Variants in TMEM165 observed in about 807,000 individuals in gnomAD.
The protein encoded by TMEM165 is transmembrane protein 165.
TMEM165 carries 19 observed loss-of-function variants against 30.0 expected under a neutral mutation model. That is an observed-to-expected ratio of 0.63 (90% CI 0.44 to 0.93). TMEM165 has a LOEUF of 0.93. TMEM165 is among the 40% of genes least tolerant of loss of function. The pLI, the probability that TMEM165 is intolerant of heterozygous loss-of-function variation, is 0.00. For synonymous variants in TMEM165, 168 were observed against 162.9 expected (o/e 1.03, Z -0.24); for missense variants, 340 against 417.0 (o/e 0.82, Z 1.61).
Position 55,411,713 on chromosome 4 carries a change from GTTA to G in TMEM165, c.313_315del (p.Ile105del), listed in dbSNP as rs767607159. 2 of 1,614,104 alleles carry G rather than the reference GTTA, an allele frequency of 1.2e-6. No homozygotes were observed. Among genetic ancestry groups the G allele is most frequent in the Non-Finnish European group, 1.7e-6 (2 of 1,180,024 alleles). On this transcript the variant is annotated inframe_deletion, in exon 2 of 6. Coordinates refer to ENST00000381334, the MANE Select transcript of TMEM165 (RefSeq NM_018475.5). ...CCATGCATTTGTCGCTGCCATATCA[GTTA>G]TTATTGTATCTGAATTGGGTGATAA...
At chr4:55,430,849 G>C (rs897800416), downstream of TMEM165, 37 of 152,320 alleles carry the variant, frequency 2.4e-4, no homozygotes, top group African/African-American at 7.0e-4. Flanking sequence ...CAATAGGCAA[G>C]ATAGGTTTAC....
chr4:55,453,385 G>A (rs773788681), exon 4 of TMEM165: 215 of 492,158 alleles, frequency 4.4e-4, no homozygotes, highest in Middle Eastern at 5.3e-4. Context: ...TAAAGGAAGT[G>A]TATGCTTATC....
At chr4:55,403,149 G>T in intron 1 of TMEM165, 1 of 847,676 alleles carries the variant, frequency 1.2e-6, no homozygotes. Context: ...CAAATTGTAA[G>T]CATTTTCTTC....
At chr4:55,433,214 T>C (rs1722638113) in intron 3 of TMEM165, 1 of 152,640 alleles carries the variant, frequency 6.6e-6, no homozygotes, top group Non-Finnish European at 1.5e-5. Context: ...TACATACATA[T>C]TCTGACAACT....
At chr4:55,412,982 TA>T (rs1281859069) in intron 2 of TMEM165, among the ~76,000 whole-genome samples, 16 of 151,854 alleles carry the variant, frequency 1.1e-4, no homozygotes, top group African/African-American at 3.9e-4. Context: ...TTTATTTATT[TA>T]TTTATTTTTT....
At chr4:55,444,177 A>C (rs1008370456) in intron 3 of TMEM165, among the ~76,000 whole-genome samples, 1 of 152,176 alleles carries the variant, frequency 6.6e-6, no homozygotes, top group Admixed American at 6.5e-5. Context: ...ATAACATCAC[A>C]CAGAAGTAGT....
At chr4:55,443,851 G>T (rs2109693639) in intron 3 of TMEM165, 3 of 1,613,532 alleles carry the variant, frequency 1.9e-6, no homozygotes, top group Non-Finnish European at 1.7e-6. Flanking sequence ...GAAGAAAGTT[G>T]AACGGAACCA....
chr4:55,399,864 G>A (rs888677524), intron 1 of TMEM165, among the ~76,000 whole-genome samples: 3 of 151,750 alleles, frequency 2.0e-5, no homozygotes, highest in Non-Finnish European at 4.4e-5. Flanking sequence ...AAAACTAGGG[G>A]TATGGAGGGA....
intron 1 of TMEM165, among the ~76,000 whole-genome samples, chr4:55,402,403 GTA>G (rs869107499): frequency 0.013 from 624 of 48,020 alleles, 12 homozygotes; most frequent in African/African-American, 0.041. Flanking sequence ...GTGTGTGTGT[GTA>G]TATATATATA....
intron 2 of TMEM165, chr4:55,415,496 G>A (rs1170725350): frequency 6.6e-6 from 1 of 152,138 alleles, no homozygotes; most frequent in Non-Finnish European, 1.5e-5. Context: ...TTTTAGGGGA[G>A]AATGGTATTA....
chr4:55,446,188 G>A (rs1246593232), intron 3 of TMEM165, among the ~76,000 whole-genome samples: 3 of 148,838 alleles, frequency 2.0e-5, no homozygotes, highest in African/African-American at 5.0e-5. Context: ...CAACCACCCA[G>A]GCTCAAGCAA....
At chr4:55,439,468 A>AAT (rs1047887067) in intron 3 of TMEM165, among the ~76,000 whole-genome samples, 4 of 152,298 alleles carry the variant, frequency 2.6e-5, no homozygotes, top group African/African-American at 9.6e-5. Context: ...TTCCTCAAAA[A>AAT]ATTCACTATA....
intron 3 of TMEM165, chr4:55,450,082 G>C (rs1205962110): frequency 6.2e-7 from 1 of 1,614,032 alleles, no homozygotes; most frequent in Admixed American, 1.7e-5. Flanking sequence ...TTGAAGCAAG[G>C]GTACTCACAG....
intron 3 of TMEM165, chr4:55,448,815 T>G: frequency 6.2e-7 from 1 of 1,614,018 alleles, no homozygotes; most frequent in Non-Finnish European, 8.5e-7. Flanking sequence ...AATTTGTAGC[T>G]TGAGACATCA....
At chr4:55,440,569 A>G (rs1723285604) in intron 3 of TMEM165, among the ~76,000 whole-genome samples, 2 of 152,196 alleles carry the variant, frequency 1.3e-5, no homozygotes, top group Non-Finnish European at 1.5e-5. Context: ...TATACACTAC[A>G]CAACCAAATA....
chr4:55,411,471 T>C (rs866764283), intron 1 of TMEM165, 143 bp from the exon 2 acceptor site: 3 of 707,742 alleles, frequency 4.2e-6, no homozygotes, highest in Non-Finnish European at 7.1e-6. Flanking sequence ...CCGTCGTTAC[T>C]GATGGCTTTC....
At chr4:55,450,768 C>CA (rs34192457) in intron 3 of TMEM165, among the ~76,000 whole-genome samples, 76 of 142,136 alleles carry the variant, frequency 5.3e-4, no homozygotes, top group African/African-American at 7.7e-4. Context: ...GACTCCATCT[C>CA]AAAAAAAAAA....
chr4:55,432,670 G>A (rs774749443), intron 3 of TMEM165: 1 of 151,784 alleles, frequency 6.6e-6, no homozygotes, highest in Non-Finnish European at 1.5e-5. Flanking sequence ...AAGAGAATCA[G>A]GAGGAAAACA....
intron 3 of TMEM165, chr4:55,450,150 G>C (rs1724292531): frequency 6.2e-7 from 1 of 1,614,108 alleles, no homozygotes; most frequent in Admixed American, 1.7e-5. Context: ...AGAGGCAGAA[G>C]GGGTTGGGCT....
Sources: allele counts gnomAD v4.1 joint callset (sites outside exome capture counted in the v4.1 genomes callset), GRCh38; gene constraint gnomAD v4.1.1; transcripts MANE v1.5; gene names NCBI Gene and HGNC (gene_info 2026-07-23, HGNC 2026-07-21).